Variants in GRID1 observed in about 807,000 individuals in gnomAD.
The protein encoded by GRID1 is glutamate ionotropic receptor delta type subunit 1, also known as glutamate receptor ionotropic, delta-1.
In GRID1, 28 loss-of-function variants were observed where a neutral mutation model predicts 98.0. The ratio of observed to expected loss-of-function variants is 0.29; its 90% CI spans 0.21 to 0.39. The LOEUF (loss-of-function observed/expected upper bound fraction) is 0.39, where lower values mean the gene tolerates loss of function less well. GRID1 is among the 10% of genes least tolerant of loss of function. GRID1 has a pLI of 1.00. For missense variants in GRID1, 1,111 were observed against 1,340.5 expected, an observed-to-expected ratio of 0.83 and a Z score of 2.67; for synonymous variants, 553 against 538.5, an observed-to-expected ratio of 1.03 and a Z score of -0.37.
chr10:86,186,636 A>T (rs1213761893), intron 3 of GRID1, among the ~76,000 whole-genome samples: 2 of 152,226 alleles, frequency 1.3e-5, no homozygotes, highest in Non-Finnish European at 2.9e-5. Flanking sequence ...TCCCATCTGG[A>T]AAATGGGGCC....
At chr10:86,303,921 T>C (rs1847723999) in intron 2 of GRID1, among the ~76,000 whole-genome samples, 1 of 152,250 alleles carries the variant, frequency 6.6e-6, no homozygotes, top group South Asian at 2.1e-4. Flanking sequence ...TCACTGCCTC[T>C]GACCTTTTAA....
At chr10:85,822,903 C>A (rs1015461527) in intron 8 of GRID1, among the ~76,000 whole-genome samples, 30 of 152,158 alleles carry the variant, frequency 2.0e-4, no homozygotes, top group Admixed American at 6.5e-5. Context: ...ATGGATGAAG[C>A]TAGAAACCAT....
chr10:86,015,377 G>C (rs1842967687), intron 4 of GRID1, among the ~76,000 whole-genome samples: 1 of 152,244 alleles, frequency 6.6e-6, no homozygotes, highest in Non-Finnish European at 1.5e-5. Context: ...TTCTTAGAAA[G>C]CTCATTCCTC....
chr10:86,360,793 C>T (rs1414661509), intron 2 of GRID1, among the ~76,000 whole-genome samples: 1 of 152,204 alleles, frequency 6.6e-6, no homozygotes, highest in Non-Finnish European at 1.5e-5. Context: ...GAAACAGAAG[C>T]TCAGAGCAGA....
At chr10:86,059,215 G>A (rs1182018680) in intron 4 of GRID1, among the ~76,000 whole-genome samples, 3 of 152,176 alleles carry the variant, frequency 2.0e-5, no homozygotes, top group Non-Finnish European at 2.9e-5. Context: ...TCTGAGTCTC[G>A]CTGTGTGAGT....
intron 2 of GRID1, among the ~76,000 whole-genome samples, chr10:86,209,707 C>T (rs1026264313): frequency 1.6e-4 from 25 of 152,316 alleles, no homozygotes; most frequent in African/African-American, 4.3e-4. Flanking sequence ...ATCCCTGGGA[C>T]GTAAATTGTC....
intron 12 of GRID1, among the ~76,000 whole-genome samples, chr10:85,699,709 T>C (rs894523299): frequency 1.3e-5 from 2 of 152,228 alleles, no homozygotes; most frequent in Admixed American, 6.5e-5. Context: ...GAATTCTACC[T>C]CAGGATAAAT....
intron 4 of GRID1, among the ~76,000 whole-genome samples, chr10:85,990,247 TAC>T (rs1329246283): frequency 6.6e-6 from 1 of 152,170 alleles, no homozygotes; most frequent in Admixed American, 6.5e-5. Flanking sequence ...AGCTTCACAA[TAC>T]ACTCATCTCT....
chr10:86,296,997 T>C (rs1414580750), intron 2 of GRID1, among the ~76,000 whole-genome samples: 2 of 152,220 alleles, frequency 1.3e-5, no homozygotes, highest in East Asian at 1.9e-4. Flanking sequence ...TATTTAGAGC[T>C]ATAAAGATGG....
At chr10:86,002,467 G>A (rs1235108598) in intron 4 of GRID1, among the ~76,000 whole-genome samples, 1 of 152,112 alleles carries the variant, frequency 6.6e-6, no homozygotes, top group African/African-American at 2.4e-5. Context: ...ACTCACAGAC[G>A]TAAAACTTAA....
intron 3 of GRID1, among the ~76,000 whole-genome samples, chr10:86,180,477 C>T (rs755590668): frequency 1.3e-5 from 2 of 152,156 alleles, no homozygotes; most frequent in Non-Finnish European, 2.9e-5. Context: ...TGGTGGTCTG[C>T]TGAGCAGAGG....
intron 2 of GRID1, among the ~76,000 whole-genome samples, chr10:86,250,168 G>A (rs1005669111): frequency 6.6e-6 from 1 of 152,176 alleles, no homozygotes; most frequent in African/African-American, 2.4e-5. Context: ...AAAGTCAGTG[G>A]GGACATTGCT....
chr10:85,962,903 T>C (rs1055220385), intron 4 of GRID1, among the ~76,000 whole-genome samples: 1 of 152,196 alleles, frequency 6.6e-6, no homozygotes, highest in Admixed American at 6.5e-5. Context: ...TTGGTTCCTA[T>C]GCTTAAACCA....
At chr10:85,626,284 T>A (rs957577228) in intron 13 of GRID1, among the ~76,000 whole-genome samples, 1 of 152,210 alleles carries the variant, frequency 6.6e-6, no homozygotes, top group Non-Finnish European at 1.5e-5. Context: ...TTATGAACAG[T>A]GGAGCCATGT....
At chr10:85,963,484 T>C (rs942224804) in intron 4 of GRID1, among the ~76,000 whole-genome samples, 6 of 152,174 alleles carry the variant, frequency 3.9e-5, no homozygotes, top group African/African-American at 9.7e-5. Flanking sequence ...GTCAGACTTG[T>C]GCTCAAACCT....
At chr10:85,893,184 C>T (rs972926577) in intron 5 of GRID1, among the ~76,000 whole-genome samples, 15 of 151,976 alleles carry the variant, frequency 9.9e-5, no homozygotes, top group African/African-American at 3.4e-4. Context: ...ATTCAAGATC[C>T]AATTATGTTA....
Position 85,959,612 on chromosome 10 carries a change from CATAAA to C in GRID1, c.727-43378_727-43374del, listed in dbSNP as rs1248131321. Among the ~76,000 whole-genome samples the C allele has an allele frequency of 2.1e-5, 3 of 145,448 alleles. No homozygotes were observed. The Admixed American group carries it at 2.1e-4, about 10-fold the overall frequency. On this transcript the variant is annotated intron_variant, in intron 4 of 15. Transcript: ENST00000327946. ...TTCACTTTTTCCAGGGTTTCATAGACATAAAATGATACATAAGGTACTCTTTTTCC... is the reference window on the plus strand; with the variant it reads ...TTCACTTTTTCCAGGGTTTCATAGACATGATACATAAGGTACTCTTTTTCC...
intron 4 of GRID1, among the ~76,000 whole-genome samples, chr10:86,038,342 G>A (rs574407332): frequency 2.0e-5 from 3 of 152,296 alleles, no homozygotes; most frequent in South Asian, 4.2e-4. Flanking sequence ...AGCCAGGTAC[G>A]ATTACAAACA....
At chr10:86,075,054 C>A (rs1296576156) in intron 4 of GRID1, among the ~76,000 whole-genome samples, 1 of 150,766 alleles carries the variant, frequency 6.6e-6, no homozygotes, top group Non-Finnish European at 1.5e-5. Context: ...CTAAGCATGA[C>A]ACCCCACAGT....
Sources: allele counts gnomAD v4.1 joint callset (sites outside exome capture counted in the v4.1 genomes callset), GRCh38; gene constraint gnomAD v4.1.1; transcripts MANE v1.5; gene names NCBI Gene and HGNC (gene_info 2026-07-23, HGNC 2026-07-21).